The following PHACTR3 variants were observed in gnomAD, a reference collection of about 807,000 sequenced individuals.
PHACTR3 encodes protein phosphatase 1, regulatory subunit 123.
PHACTR3 carries 16 observed loss-of-function variants against 66.8 expected under a neutral mutation model. The observed-to-expected ratio is 0.24, with a 90% CI of 0.16 to 0.36. The LOEUF (loss-of-function observed/expected upper bound fraction) is 0.36, where lower values mean the gene tolerates loss of function less well. PHACTR3 is among the 10% of genes least tolerant of loss of function. The probability of loss-of-function intolerance (pLI) is 1.00; values close to 1 mark genes in which losing one functional copy is unlikely to be tolerated. For missense variants in PHACTR3, 647 were observed against 719.9 expected, an observed-to-expected ratio of 0.90 and a Z score of 1.16; for synonymous variants, 323 against 292.1, an observed-to-expected ratio of 1.11 and a Z score of -1.08.
intron 1 of PHACTR3, among the ~76,000 whole-genome samples, chr20:59,598,376 C>G (rs561641091): frequency 2.3e-4 from 35 of 152,346 alleles, no homozygotes; most frequent in Non-Finnish European, 4.4e-4. Context: ...AGGTTATCTT[C>G]TTCTCACTTA....
intron 1 of PHACTR3, among the ~76,000 whole-genome samples, chr20:59,701,022 G>A (rs2037489196): frequency 6.6e-6 from 1 of 152,048 alleles, no homozygotes; most frequent in Admixed American, 6.6e-5. Context: ...AAACTCCTGG[G>A]CTCATGTGAT....
Position 59,802,974 on chromosome 20 carries a change from A to G in PHACTR3, c.1175-3067A>G, listed in dbSNP as rs574810825. 3.9e-5 allele frequency among the ~76,000 whole-genome samples: 6 copies of G among 152,328 alleles called. No homozygotes were observed. In the South Asian group the frequency reaches 8.3e-4, roughly 21 times the overall value. ...GCTGTATTATTTTCAAACCCCCTTG[A>G]GAAAAAGGCCTTTTGCACTGGGTGA... On this transcript the variant is annotated intron_variant, in intron 7 of 12. Transcript: ENST00000371015.
chr20:59,765,024 A>G (rs2426830), intron 4 of PHACTR3, among the ~76,000 whole-genome samples: 96,722 of 152,086 alleles, frequency 0.64, 33,156 homozygotes, highest in Non-Finnish European at 0.76. Context: ...CACAAGACAG[A>G]AAACTCCACA....
chr20:59,644,010 C>A (rs1483084281), intron 1 of PHACTR3, among the ~76,000 whole-genome samples: 4 of 152,170 alleles, frequency 2.6e-5, no homozygotes, highest in South Asian at 2.1e-4. Context: ...TCCTCAAGGG[C>A]AGCAAGAGAC....
intron 1 of PHACTR3, among the ~76,000 whole-genome samples, chr20:59,678,055 G>A (rs754289975): frequency 3.3e-5 from 5 of 152,260 alleles, no homozygotes; most frequent in South Asian, 2.1e-4. Context: ...ATGAAAATGC[G>A]CTCTTTCTTC....
intron 1 of PHACTR3, among the ~76,000 whole-genome samples, chr20:59,742,788 C>T (rs1388298344): frequency 4.6e-5 from 7 of 152,128 alleles, no homozygotes; most frequent in African/African-American, 1.7e-4. Context: ...GGGCAGAGCA[C>T]GAGCAAGGGT....
intron 1 of PHACTR3, among the ~76,000 whole-genome samples, chr20:59,607,169 T>TAAACA (rs2033699595): frequency 6.6e-6 from 1 of 152,172 alleles, no homozygotes; most frequent in African/African-American, 2.4e-5. Context: ...AGTGCATACT[T>TAAACA]GTCTTTGGGC....
At chr20:59,772,775 C>A (rs2040401259) in intron 5 of PHACTR3, among the ~76,000 whole-genome samples, 1 of 152,122 alleles carries the variant, frequency 6.6e-6, no homozygotes, top group Non-Finnish European at 1.5e-5. Context: ...ATCCTCCTGG[C>A]AGAGATACAG....
chr20:59,747,692 G>T, intron 2 of PHACTR3, 66 bp from the exon 3 acceptor site: 2 of 1,556,684 alleles, frequency 1.3e-6, no homozygotes, highest in Admixed American at 1.8e-5. Flanking sequence ...GGCATTGGCT[G>T]TGGCTTGGAC....
chr20:59,813,491 T>A (rs2041798482), intron 8 of PHACTR3, among the ~76,000 whole-genome samples: 2 of 152,162 alleles, frequency 1.3e-5, no homozygotes, highest in African/African-American at 4.8e-5. Flanking sequence ...TACCCCCCAA[T>A]TACAGAGATT....
intron 1 of PHACTR3, among the ~76,000 whole-genome samples, chr20:59,588,672 C>T (rs1053875305): frequency 5.9e-5 from 9 of 152,362 alleles, no homozygotes; most frequent in African/African-American, 1.4e-4. Context: ...CTTCTCAGCC[C>T]CTCCAGCTGC....
At chr20:59,823,017 G>T (rs1354071718) in intron 8 of PHACTR3, among the ~76,000 whole-genome samples, 1 of 152,232 alleles carries the variant, frequency 6.6e-6, no homozygotes, top group East Asian at 1.9e-4. Context: ...GGAGGAAAGC[G>T]GAAGGAGCTG....
chr20:59,653,568 C>T (rs1601014501), intron 1 of PHACTR3, among the ~76,000 whole-genome samples: 2 of 151,910 alleles, frequency 1.3e-5, no homozygotes, highest in East Asian at 3.9e-4. Flanking sequence ...AGGATGCTAG[C>T]ATATGTAAAT....
intron 1 of PHACTR3, among the ~76,000 whole-genome samples, chr20:59,671,923 C>A (rs2036207623): frequency 6.6e-6 from 1 of 152,262 alleles, no homozygotes; most frequent in African/African-American, 2.4e-5. Flanking sequence ...ACATCTGCAT[C>A]TGGTCCTTGG....
chr20:59,722,896 C>T lies in PHACTR3; in HGVS notation c.119-20211C>T, dbSNP rs562281120. ...AAGCTTGTGTGGCTGCTGGGTCCCA[C>T]GTGCTATCAGATGGACTCCTATATG... On this transcript the variant is annotated intron_variant, in intron 1 of 12. Coordinates refer to ENST00000371015, the MANE Select transcript of PHACTR3 (RefSeq NM_080672.5). Among the ~76,000 whole-genome samples the T allele has an allele frequency of 2.4e-4, 36 of 152,132 alleles. No homozygotes were observed. The East Asian group carries it at 2.7e-3, about 11-fold the overall frequency.
rs191210677 is a variant in PHACTR3, at chr20:59,791,695, G to A, written c.1175-14346G>A. ...GTTGGTGTGCTGCACCCATTAACTC[G>A]TCATTTACATTAGGCATATCTTCTA... On this transcript the variant is annotated intron_variant, in intron 7 of 12. Transcript: ENST00000371015. Among the ~76,000 whole-genome samples the A allele has an allele frequency of 1.7e-3, 249 of 150,714 alleles. 1 individual carries two copies. Among genetic ancestry groups the A allele is most frequent in the Admixed American group, 9.6e-3 (145 of 15,124 alleles).
intron 8 of PHACTR3, among the ~76,000 whole-genome samples, chr20:59,822,365 G>C (rs568563144): frequency 4.1e-5 from 6 of 147,244 alleles, no homozygotes; most frequent in East Asian, 2.0e-4. Context: ...GGCCTAGGAT[G>C]GGGGGAAGAA....
chr20:59,604,467 C>A, upstream of PHACTR3: 1 of 316,744 alleles, frequency 3.2e-6, no homozygotes, highest in Non-Finnish European at 4.6e-6. Context: ...TCTCCCGTGA[C>A]GTCATGCTCC....
intron 1 of PHACTR3, among the ~76,000 whole-genome samples, chr20:59,739,223 T>C (rs1285215881): frequency 6.6e-6 from 1 of 152,060 alleles, no homozygotes; most frequent in Non-Finnish European, 1.5e-5. Flanking sequence ...TTGCTGTAGC[T>C]CCCTTAATGG....
Sources: gnomAD v4.1 joint callset for allele counts (sites outside exome capture counted in the v4.1 genomes callset) on GRCh38, gnomAD v4.1.1 for gene constraint, MANE v1.5 for transcripts, NCBI Gene and HGNC (gene_info 2026-07-23, HGNC 2026-07-21) for gene names.